PXDN: variants seen among roughly 807,000 people sequenced by gnomAD.
PXDN encodes peroxidasin homolog.
In PXDN, 77 loss-of-function variants were observed where a neutral mutation model predicts 140.3. That is an observed-to-expected ratio of 0.55 (90% CI 0.46 to 0.66). PXDN has a LOEUF of 0.66. Among genes scored for constraint, PXDN ranks in the 30% least tolerant of loss-of-function variants. The probability of loss-of-function intolerance (pLI) is 0.00; values close to 1 mark genes in which losing one functional copy is unlikely to be tolerated. For synonymous variants in PXDN, 911 were observed against 857.4 expected (o/e 1.06, Z -1.09); for missense variants, 1,838 against 2,039.5 (o/e 0.90, Z 1.90).
In PXDN at chr2:1,649,597, C is replaced by A. The variant is rs755223854; in HGVS notation, c.2183G>T (p.Arg728Leu). 1.2e-6 allele frequency: 2 copies of A among 1,613,906 alleles called. No individual in the cohort carries two copies. Among genetic ancestry groups the A allele is most frequent in the African/African-American group, 1.3e-5 (1 of 74,930 alleles). The change falls in exon 17 of 23, where the codon CGC (arginine) becomes CTC (leucine). Residue 728 changes from arginine (R) to leucine (L), a missense_variant. Physicochemically the swap from Arg to Leu is moderately radical, Grantham distance 102. Around this residue, in one of 5 missense-constraint regions of PXDN, gnomAD observed 537 missense variants for 583.9 expected, o/e 0.92. Coordinates refer to ENST00000252804, the MANE Select transcript of PXDN (RefSeq NM_012293.3). This position sits in a 1 kb window ranked among gnomAD's most constrained non-coding sequence, Gnocchi z 7.1. ...GCACATGTCCGAGCAGTTGTTCACG[C>A]GCCGGTGGGCGGTACAGCCCGACAG... ...ANLSGCTAHRRVNNCSDMCFH... is the reference protein window; with the variant it reads ...ANLSGCTAHRLVNNCSDMCFH...
chr2:1,710,815 C>T (rs1572182300), intron 1 of PXDN, among the ~76,000 whole-genome samples: 1 of 54,652 alleles, frequency 1.8e-5, no homozygotes. Context: ...CCCACTCCAC[C>T]AGCACCCACT....
At chr2:1,689,657 G>A (rs1025730718) in intron 3 of PXDN, among the ~76,000 whole-genome samples, 1 of 151,978 alleles carries the variant, frequency 6.6e-6, no homozygotes, top group African/African-American at 2.4e-5. Context: ...CGTGGTGCAC[G>A]CCTGTAATCC....
At chr2:1,744,673 G>C (rs1007704075), upstream of PXDN, 4 of 354,842 alleles carry the variant, frequency 1.1e-5, no homozygotes, top group Non-Finnish European at 1.9e-5. Flanking sequence ...CCCTCATCCC[G>C]GTGGGGCGGC....
chr2:1,674,472 G>A (rs568251375), intron 8 of PXDN, among the ~76,000 whole-genome samples: 3 of 152,334 alleles, frequency 2.0e-5, no homozygotes, highest in African/African-American at 7.2e-5. Context: ...CCAGGACACA[G>A]GTGACCCCAC....
chr2:1,648,592 T>C lies in PXDN; in HGVS notation c.3188A>G (p.Asn1063Ser), dbSNP rs770139417. ...CCTGAAGGCCGCGGTGGCGAAGGCG[T>C]TGAAGATGCCAGCATTGATGCCGGG... is the stretch of plus-strand genomic sequence containing the variant. ...YDPGINAGIF[N>S]AFATAAFRFG... The change falls in exon 17 of 23, where the codon AAC becomes AGC. Residue 1063 changes from asparagine to serine, a missense_variant. Around this residue, in one of 5 missense-constraint regions of PXDN, gnomAD observed 850 missense variants for 894.1 expected, o/e 0.95. Transcript: ENST00000252804. This position sits in a 1 kb window ranked among gnomAD's most constrained non-coding sequence, Gnocchi z 8.9. 14 of 1,609,034 alleles carry C rather than the reference T, an allele frequency of 8.7e-6. No individual in the cohort carries two copies. Among genetic ancestry groups the C allele is most frequent in the African/African-American group, 1.4e-5 (1 of 73,328 alleles).
chr2:1,719,873 T>TGA lies in PXDN; in HGVS notation c.200+24381_200+24382dup, dbSNP rs1553369690. The stretch of plus-strand genomic sequence containing the variant: ...GTGTGTGTGTGTGTGTGTGTGTGTG[T>TGA]GAAAGAGAGAGAGGGAGGGAGATTC... On this transcript the variant is annotated intron_variant, in intron 1 of 22. Coordinates refer to ENST00000252804, the MANE Select transcript of PXDN (RefSeq NM_012293.3). 1.4e-3 allele frequency among the ~76,000 whole-genome samples: 146 copies of TGA among 107,824 alleles called. 5 individuals carry two copies. In the Middle Eastern group the frequency reaches 0.02, roughly 15 times the overall value. 70.7% of individuals were successfully genotyped at this position (107,824 alleles called of 152,430 possible). A position where few individuals can be genotyped will look rare whatever the true frequency, so the allele number is the denominator to read the frequency against.
chr2:1,648,819 C>T lies in PXDN; in HGVS notation c.2961G>A (p.Met987Ile). 1 of 1,602,452 alleles carries T rather than the reference C, an allele frequency of 6.2e-7. No individual in the cohort carries two copies. Residue 987 changes from methionine to isoleucine, a missense_variant, in exon 17 of 23, where the codon ATG becomes ATA. Coordinates refer to ENST00000252804, the MANE Select transcript of PXDN (RefSeq NM_012293.3). This position sits in a 1 kb window ranked among gnomAD's most constrained non-coding sequence, Gnocchi z 8.9. The part of the protein sequence containing the change: ...RANEQLGLTS[M>I]HTLWFREHNR... ...TGTGCTCGCGGAACCACAGCGTGTG[C>T]ATGCTGGTCAGGCCCAGCTGCTCGT...
At chr2:1,690,648 C>CAAAAAAAAAAAAAAAAAAAAAAAAAA (rs35970382) in intron 3 of PXDN, among the ~76,000 whole-genome samples, 1 of 68,638 alleles carries the variant, frequency 1.5e-5, no homozygotes, top group Non-Finnish European at 2.7e-5. Context: ...TTCAAAATAC[C>CAAAAAAAAAAAAAAAAAAAAAAAAAA]AAAAAAAAAA....
At position 1,634,285 on chromosome 2, in the gene PXDN, AG is replaced by A. The variant is rs1432394931; in HGVS notation, c.4358del (p.Pro1453LeufsTer8). 7.5e-6 allele frequency: 12 copies of A among 1,605,628 alleles called. No individual in the cohort carries two copies. Among genetic ancestry groups the A allele is most frequent in the Non-Finnish European group, 1.0e-5 (12 of 1,176,374 alleles). On this transcript the variant is annotated frameshift_variant, in exon 23 of 23. Transcript: ENST00000252804. LOFTEE classifies it low-confidence loss of function (END_TRUNC). ...TGTTCACGGGGACAGCACAGGTGGC[AG>A]GGGGGCAAGCTTCCACGAAGCAGGT... The part of the protein sequence containing the change: ...QVTCFVEACP[P>X]ATCAVPVNIP...
chr2:1,713,828 G>A (rs562564425), intron 1 of PXDN, among the ~76,000 whole-genome samples: 1 of 152,378 alleles, frequency 6.6e-6, no homozygotes, highest in East Asian at 1.9e-4. Flanking sequence ...CTCCCCGTAA[G>A]TGTCCTGGGG....
At chr2:1,657,384 G>A (rs1048622885) in intron 14 of PXDN, among the ~76,000 whole-genome samples, 1 of 150,324 alleles carries the variant, frequency 6.7e-6, no homozygotes, top group Non-Finnish European at 1.5e-5. Flanking sequence ...ACTCCTGACT[G>A]AGACCTGTCT....
At chr2:1,709,648 C>A (rs904068770) in intron 1 of PXDN, among the ~76,000 whole-genome samples, 1 of 152,214 alleles carries the variant, frequency 6.6e-6, no homozygotes, top group East Asian at 1.9e-4. Flanking sequence ...GCCGGCAAGG[C>A]GGCTCCCATC....
intron 3 of PXDN, 26 bp downstream of exon 3, chr2:1,691,902 G>C (rs752263342): frequency 7.2e-7 from 1 of 1,380,396 alleles, no homozygotes; most frequent in Non-Finnish European, 9.8e-7. Flanking sequence ...TAAGCTTTTA[G>C]GTTAAAGAAC....
At chr2:1,686,917 A>C (rs1217777290) in intron 4 of PXDN, among the ~76,000 whole-genome samples, 1 of 152,220 alleles carries the variant, frequency 6.6e-6, no homozygotes, top group Admixed American at 6.5e-5. Flanking sequence ...TTTCATCCAC[A>C]TTCCTAAAAC....
chr2:1,723,415 T>G (rs564070737), intron 1 of PXDN, among the ~76,000 whole-genome samples: 2 of 151,808 alleles, frequency 1.3e-5, no homozygotes, highest in Non-Finnish European at 2.9e-5. Flanking sequence ...AATGGGTGGG[T>G]GGATGACTGG....
chr2:1,644,872 T>C (rs1682816170), intron 17 of PXDN, 120 bp from the exon 18 acceptor site: 4 of 1,138,052 alleles, frequency 3.5e-6, no homozygotes, highest in Non-Finnish European at 4.6e-6. Flanking sequence ...GAATTTTACT[T>C]AACAAAGAAA....
rs768531724 is a variant in PXDN at position 1,638,858 on chromosome 2, G to A, written c.4194C>T (p.Asp1398=). The change falls in exon 21 of 23, where the codon GAC becomes GAT. Residue 1398 remains aspartate, a synonymous_variant. Transcript: ENST00000252804. ...FVLEMQKTIT[D]LRTQIKKLES... ...CCAGGCACCTCACCTGTGTTCTGAGGTCTGTGATGGTCTTCTGCATTTCCA... is the reference window on the plus strand; with the variant it reads ...CCAGGCACCTCACCTGTGTTCTGAGATCTGTGATGGTCTTCTGCATTTCCA... 5 of 1,613,896 alleles carry A rather than the reference G, an allele frequency of 3.1e-6. No individual in the cohort carries two copies. The African/African-American group carries it at 4.0e-5, about 13-fold the overall frequency.
chr2:1,742,094 C>A (rs79377426), intron 1 of PXDN, among the ~76,000 whole-genome samples: 1 of 152,206 alleles, frequency 6.6e-6, no homozygotes, highest in East Asian at 1.9e-4. Flanking sequence ...AAAAATCACG[C>A]GGCTGCAATG....
In PXDN at chr2:1,687,625, C is replaced by T; in HGVS notation, c.416+7G>A. On this transcript the variant is annotated splice_region_variant and intron_variant, in intron 4 of 22. Coordinates refer to ENST00000252804, the MANE Select transcript of PXDN (RefSeq NM_012293.3). The surrounding 1 kb of genome is among the most constrained non-coding windows in gnomAD (Gnocchi z 4.0). The stretch of plus-strand genomic sequence containing the variant: ...AGAACTAAAGCACGAAGAGAAGGGG[C>T]ACTTACAGTTGCTCTAGAGAGGCAA... 6.7e-7 allele frequency: 1 copy of T among 1,489,478 alleles called. No homozygotes were observed. Among genetic ancestry groups the T allele is most frequent in the Non-Finnish European group, 9.3e-7 (1 of 1,075,542 alleles). The allele number at this position is 1,489,478 out of a possible 1,614,324, so 92.3% of individuals were successfully genotyped here.
Sources: gnomAD v4.1 joint callset for allele counts (sites outside exome capture counted in the v4.1 genomes callset) on GRCh38, gnomAD v4.1.1 for gene constraint, gnomAD v4.1.1 regional missense constraint, Gnocchi (gnomAD v3.1) non-coding constraint, MANE v1.5 for transcripts, NCBI Gene and HGNC (gene_info 2026-07-23, HGNC 2026-07-21) for gene names.